Variants in GABRG3 observed in about 807,000 individuals in gnomAD.
The protein encoded by GABRG3 is gamma-aminobutyric acid receptor subunit gamma-3.
Under a neutral mutation model 48.8 loss-of-function variants are expected in GABRG3, and 25 were observed. The observed-to-expected ratio is 0.51, with a 90% CI of 0.37 to 0.72. The LOEUF is 0.72. GABRG3 is among the 30% of genes least tolerant of loss of function. The probability of loss-of-function intolerance (pLI) is 0.00; values close to 1 mark genes in which losing one functional copy is unlikely to be tolerated. For missense variants in GABRG3, 394 were observed against 577.9 expected, an observed-to-expected ratio of 0.68 and a Z score of 3.26; for synonymous variants, 227 against 217.6, an observed-to-expected ratio of 1.04 and a Z score of -0.38.
intron 5 of GABRG3, among the ~76,000 whole-genome samples, chr15:27,396,362 C>G (rs1214041047): frequency 6.6e-6 from 1 of 152,048 alleles, no homozygotes; most frequent in East Asian, 1.9e-4. Context: ...CAGATACTTT[C>G]CCAAAAAAGG....
At chr15:27,381,397 G>A (rs979696214) in intron 5 of GABRG3, among the ~76,000 whole-genome samples, 9 of 152,198 alleles carry the variant, frequency 5.9e-5, no homozygotes, top group African/African-American at 2.2e-4. Context: ...TATAGAGCTC[G>A]TGGAAGTAAA....
At chr15:27,438,787 A>G (rs1331748948) in intron 5 of GABRG3, among the ~76,000 whole-genome samples, 1 of 152,180 alleles carries the variant, frequency 6.6e-6, no homozygotes, top group Non-Finnish European at 1.5e-5. Context: ...TCATGAGTAC[A>G]TTATGATTTT....
At chr15:27,187,970 A>G (rs1888154506) in intron 3 of GABRG3, among the ~76,000 whole-genome samples, 1 of 145,788 alleles carries the variant, frequency 6.9e-6, no homozygotes. Flanking sequence ...GAGCGAGAAT[A>G]TGCGGTGTTT....
chr15:27,222,316 A>G (rs2140441526), intron 3 of GABRG3, among the ~76,000 whole-genome samples: 1 of 152,324 alleles, frequency 6.6e-6, no homozygotes, highest in African/African-American at 2.4e-5. Flanking sequence ...AAAATGGGGG[A>G]ACAGAAGAAG....
chr15:27,105,840 G>A (rs1310661678), intron 3 of GABRG3, among the ~76,000 whole-genome samples: 4 of 152,066 alleles, frequency 2.6e-5, no homozygotes, highest in African/African-American at 9.7e-5. Context: ...GCTCATTATA[G>A]CGTATCCACA....
chr15:27,446,309 T>G (rs754937994), intron 5 of GABRG3, among the ~76,000 whole-genome samples: 29 of 152,228 alleles, frequency 1.9e-4, no homozygotes, highest in Non-Finnish European at 3.7e-4. Flanking sequence ...AGGTCTTTAA[T>G]TTCTTTAAAA....
At chr15:27,013,907 G>A (rs138361011) in intron 2 of GABRG3, among the ~76,000 whole-genome samples, 4 of 152,096 alleles carry the variant, frequency 2.6e-5, no homozygotes, top group South Asian at 2.1e-4. Context: ...TGCAGTTGGC[G>A]TTTATATTGG....
intron 3 of GABRG3, among the ~76,000 whole-genome samples, chr15:27,308,395 A>G (rs191970736): frequency 1.4e-5 from 2 of 140,832 alleles, no homozygotes; most frequent in African/African-American, 2.7e-5. Context: ...ATATAAACAT[A>G]TAATATAAAC....
At chr15:27,118,853 C>T (rs1367383738) in intron 3 of GABRG3, among the ~76,000 whole-genome samples, 1 of 152,132 alleles carries the variant, frequency 6.6e-6, no homozygotes, top group African/African-American at 2.4e-5. Flanking sequence ...ATACTGATGT[C>T]AGGTTTGATG....
chr15:27,104,126 G>A (rs919647542), intron 3 of GABRG3, among the ~76,000 whole-genome samples: 7 of 152,348 alleles, frequency 4.6e-5, no homozygotes, highest in African/African-American at 1.2e-4. Flanking sequence ...TTGCCTTTTA[G>A]TGTTTCAAGA....
At chr15:27,490,261 C>T (rs74006965) in intron 6 of GABRG3, among the ~76,000 whole-genome samples, 2,868 of 152,250 alleles carry the variant, frequency 0.019, 97 homozygotes, top group African/African-American at 0.065. Flanking sequence ...ACCACAAATT[C>T]GTTTTCTATG....
chr15:27,166,584 C>T (rs1261558900), intron 3 of GABRG3, among the ~76,000 whole-genome samples: 1 of 152,068 alleles, frequency 6.6e-6, no homozygotes, highest in Non-Finnish European at 1.5e-5. Context: ...TGATGCCTTT[C>T]AGCTCCCATG....
chr15:27,482,316 G>T (rs1308154062), intron 6 of GABRG3, among the ~76,000 whole-genome samples: 1 of 152,170 alleles, frequency 6.6e-6, no homozygotes, highest in East Asian at 1.9e-4. Context: ...CGGGACGGAC[G>T]CATGGTGGCT....
chr15:27,060,491 G>A (rs1896625931), intron 3 of GABRG3, among the ~76,000 whole-genome samples: 1 of 152,232 alleles, frequency 6.6e-6, no homozygotes, highest in Non-Finnish European at 1.5e-5. Context: ...TAAGGACTCA[G>A]CTCAGCTTTA....
At chr15:27,311,732 C>T (rs1312463747) in intron 3 of GABRG3, among the ~76,000 whole-genome samples, 1 of 151,898 alleles carries the variant, frequency 6.6e-6, no homozygotes, top group African/African-American at 2.4e-5. Flanking sequence ...GTTCTCAGAG[C>T]ACTGATGGGA....
At chr15:27,306,242 C>CAT (rs373198227) in intron 3 of GABRG3, among the ~76,000 whole-genome samples, 76,296 of 132,918 alleles carry the variant, frequency 0.57, 23,546 homozygotes, top group African/African-American at 0.63. Flanking sequence ...TATATATAAA[C>CAT]ATAATATAAA....
At chr15:27,458,950 C>T (rs1269803921) in intron 5 of GABRG3, among the ~76,000 whole-genome samples, 1 of 152,344 alleles carries the variant, frequency 6.6e-6, no homozygotes. Flanking sequence ...TTCTCTTCCT[C>T]TCTGGCTGTG....
chr15:27,121,281 A>G (rs1200130035), intron 3 of GABRG3, among the ~76,000 whole-genome samples: 1 of 152,126 alleles, frequency 6.6e-6, no homozygotes, highest in Non-Finnish European at 1.5e-5. Context: ...CTGAACTGAG[A>G]TGTTCACGGT....
At chr15:27,073,098 G>T (rs1896855001) in intron 3 of GABRG3, among the ~76,000 whole-genome samples, 1 of 152,250 alleles carries the variant, frequency 6.6e-6, no homozygotes, top group Admixed American at 6.5e-5. Flanking sequence ...GACTTGATGT[G>T]TCCAGGGATT....
Sources: allele counts gnomAD v4.1 joint callset (sites outside exome capture counted in the v4.1 genomes callset), GRCh38; gene constraint gnomAD v4.1.1; transcripts MANE v1.5; gene names NCBI Gene and HGNC (gene_info 2026-07-23, HGNC 2026-07-21).